Variants in ANP32A observed in about 807,000 individuals in gnomAD.
ANP32A encodes acidic leucine-rich nuclear phosphoprotein 32 family member A.
Under a neutral mutation model 33.9 loss-of-function variants are expected in ANP32A, and 1 was observed. That is an observed-to-expected ratio of 0.03 (90% CI 0.01 to 0.14). The LOEUF (loss-of-function observed/expected upper bound fraction) is 0.14. Ranked by LOEUF, ANP32A falls within the 10% of genes least tolerant of loss-of-function variation. The pLI, the probability that ANP32A is intolerant of heterozygous loss-of-function variation, is 1.00. For synonymous variants in ANP32A, 115 were observed against 120.5 expected (o/e 0.95, Z 0.30); for missense variants, 155 against 306.0 (o/e 0.51, Z 3.68).
At chr15:68,787,357 T>A in intron 3 of ANP32A, 56 bp downstream of exon 3, 2 of 1,611,108 alleles carry the variant, frequency 1.2e-6, no homozygotes, top group Admixed American at 3.3e-5. Flanking sequence ...TATTTGCTGA[T>A]GCCAATTCCT....
chr15:68,783,904 C>A (rs1893900557), intron 4 of ANP32A, among the ~76,000 whole-genome samples: 1 of 152,128 alleles, frequency 6.6e-6, no homozygotes, highest in African/African-American at 2.4e-5. Context: ...TAGCTCTGGA[C>A]CTCCTCTCCA....
chr15:68,819,380 C>T (rs951483902), intron 1 of ANP32A, among the ~76,000 whole-genome samples: 3 of 152,226 alleles, frequency 2.0e-5, no homozygotes, highest in African/African-American at 7.2e-5. Context: ...AGTCACCCAC[C>T]CTCACCTTCC....
intron 1 of ANP32A, among the ~76,000 whole-genome samples, chr15:68,808,443 C>A (rs1443745754): frequency 6.6e-6 from 1 of 152,236 alleles, no homozygotes; most frequent in Non-Finnish European, 1.5e-5. Flanking sequence ...TATAACCACT[C>A]TCTTCTCTCC....
At chr15:68,816,919 A>C (rs1164424022) in intron 1 of ANP32A, among the ~76,000 whole-genome samples, 1 of 152,200 alleles carries the variant, frequency 6.6e-6, no homozygotes, top group East Asian at 1.9e-4. Flanking sequence ...GTTGGCTTGC[A>C]TAAACTGTAG....
At chr15:68,789,457 G>A (rs1273517084) in intron 1 of ANP32A, 1 of 152,338 alleles carries the variant, frequency 6.6e-6, no homozygotes, top group Admixed American at 6.5e-5. Flanking sequence ...GCTCCTTTGA[G>A]CAGGCCAACA....
intron 1 of ANP32A, among the ~76,000 whole-genome samples, chr15:68,809,663 T>C (rs1894286347): frequency 6.6e-6 from 1 of 151,730 alleles, no homozygotes; most frequent in Non-Finnish European, 1.5e-5. Context: ...CCAGAGCAAC[T>C]CCATCAGAAA....
Position 68,787,401 on chromosome 15 carries a change from C to G in ANP32A, c.327+12G>C. The stretch of plus-strand genomic sequence containing the variant: ...CTACCCCTGCAGGGAGGGGAGGGTC[C>G]GAATGACTTACCAGTGGCTCTATTG... On this transcript the variant is annotated intron_variant, in intron 3 of 6. Transcript: ENST00000465139. 6.2e-7 allele frequency: 1 copy of G among 1,614,100 alleles called. No individual in the cohort carries two copies. Among genetic ancestry groups the G allele is most frequent in the South Asian group, 1.1e-5 (1 of 91,070 alleles).
intron 1 of ANP32A, among the ~76,000 whole-genome samples, chr15:68,815,667 G>C (rs760847785): frequency 1.2e-4 from 19 of 152,164 alleles, no homozygotes; most frequent in Non-Finnish European, 1.6e-4. Flanking sequence ...CGTGATTCTG[G>C]TAATGGGCCA....
chr15:68,818,432 C>T (rs1452033822), intron 1 of ANP32A: 2 of 155,274 alleles, frequency 1.3e-5, no homozygotes, highest in Non-Finnish European at 2.9e-5. Flanking sequence ...TCCCCCAACC[C>T]TTTTGTCCCT....
intron 1 of ANP32A, among the ~76,000 whole-genome samples, chr15:68,805,205 G>A (rs887956007): frequency 2.6e-5 from 4 of 152,120 alleles, no homozygotes; most frequent in Non-Finnish European, 5.9e-5. Flanking sequence ...GTACAAATGG[G>A]GGTCCTCCAG....
chr15:68,804,347 C>G (rs1235046635), intron 1 of ANP32A, among the ~76,000 whole-genome samples: 3 of 152,176 alleles, frequency 2.0e-5, no homozygotes, highest in African/African-American at 7.2e-5. Flanking sequence ...AGGTTGGTTA[C>G]TTAACCTTTC....
chr15:68,813,931 A>ACGTG (rs1894345973), intron 1 of ANP32A, among the ~76,000 whole-genome samples: 1 of 126,876 alleles, frequency 7.9e-6, no homozygotes, highest in Non-Finnish European at 1.6e-5. Flanking sequence ...GTGCAGTGGC[A>ACGTG]CGATCTCTGC....
chr15:68,814,753 T>C (rs1894357942), intron 1 of ANP32A, among the ~76,000 whole-genome samples: 1 of 152,042 alleles, frequency 6.6e-6, no homozygotes, highest in Non-Finnish European at 1.5e-5. Flanking sequence ...ACACGCATGG[T>C]AGAAAAGCAG....
intron 3 of ANP32A, among the ~76,000 whole-genome samples, chr15:68,786,922 A>G (rs1893940495): frequency 1.3e-5 from 2 of 152,118 alleles, no homozygotes; most frequent in Admixed American, 6.5e-5. Flanking sequence ...CGAGGCTCTC[A>G]CACCACACGG....
intron 3 of ANP32A, among the ~76,000 whole-genome samples, chr15:68,784,953 C>G (rs564548935): frequency 3.1e-4 from 47 of 152,248 alleles, no homozygotes; most frequent in Non-Finnish European, 1.8e-4. Flanking sequence ...ACTGCCTCTC[C>G]CTGAGACTAA....
chr15:68,801,222 A>G (rs79244148), intron 1 of ANP32A, among the ~76,000 whole-genome samples: 1,381 of 110,044 alleles, frequency 0.013, 20 homozygotes, highest in African/African-American at 0.045. Flanking sequence ...AGAAGAAGAA[A>G]AAAAAAAAAA....
chr15:68,810,396 A>T (rs1483068136), intron 1 of ANP32A, among the ~76,000 whole-genome samples: 2 of 152,116 alleles, frequency 1.3e-5, no homozygotes, highest in African/African-American at 4.8e-5. Context: ...ATGATGATGG[A>T]TGGAAAGAGG....
intron 1 of ANP32A, among the ~76,000 whole-genome samples, chr15:68,802,582 C>T (rs528958308): frequency 2.6e-5 from 4 of 152,284 alleles, no homozygotes; most frequent in Admixed American, 6.5e-5. Context: ...ACCTAGCTTA[C>T]GGATAAGAGC....
chr15:68,787,193 C>T, intron 3 of ANP32A: 2 of 590,464 alleles, frequency 3.4e-6, no homozygotes, highest in Non-Finnish European at 2.9e-6. Flanking sequence ...CGTACAATAG[C>T]TGCCCATTCT....
Sources: allele counts gnomAD v4.1 joint callset (sites outside exome capture counted in the v4.1 genomes callset), GRCh38; gene constraint gnomAD v4.1.1; transcripts MANE v1.5; gene names NCBI Gene and HGNC (gene_info 2026-07-23, HGNC 2026-07-21).